The following ACKR2 variants were observed in gnomAD, a reference collection of about 807,000 sequenced individuals.
ACKR2 encodes C-C chemokine receptor D6.
For missense variants in ACKR2, 457 were observed against 477.3 expected, an observed-to-expected ratio of 0.96 and a Z score of 0.40; for synonymous variants, 207 against 192.2, an observed-to-expected ratio of 1.08 and a Z score of -0.64.
Position 42,865,822 on chromosome 3 carries a change from C to G in ACKR2, c.*165C>G. ...TTGCTCGCCCCGCCTTCTTCCTCCA[C>G]TTTCTTCACTTGCTTCCAGGATACC... On this transcript the variant is annotated 3_prime_UTR_variant, in exon 3 of 3. Transcript: ENST00000422265. 1 of 583,750 alleles carries G rather than the reference C, an allele frequency of 1.7e-6. No individual in the cohort carries two copies. Among genetic ancestry groups the G allele is most frequent in the Non-Finnish European group, 3.1e-6 (1 of 327,076 alleles). The allele number at this position is 583,750 out of a possible 1,614,324, so 36.2% of individuals were successfully genotyped here.
intron 2 of ACKR2, among the ~76,000 whole-genome samples, chr3:42,836,217 T>C (rs967032085): frequency 6.6e-6 from 1 of 152,150 alleles, no homozygotes; most frequent in Non-Finnish European, 1.5e-5. Flanking sequence ...TGTGATGAGA[T>C]AAAAGCAAAA....
At chr3:42,856,578 C>A in intron 2 of ACKR2, 1 of 546,342 alleles carries the variant, frequency 1.8e-6, no homozygotes, top group Admixed American at 3.4e-5. Context: ...ATAAAATGAG[C>A]ATCCCACCCA....
At chr3:42,855,568 A>G (rs550153319) in intron 2 of ACKR2, among the ~76,000 whole-genome samples, 16 of 152,142 alleles carry the variant, frequency 1.1e-4, no homozygotes, top group Non-Finnish European at 1.9e-4. Context: ...TGTTGGCATT[A>G]TTGATGAAAG....
intron 2 of ACKR2, among the ~76,000 whole-genome samples, chr3:42,829,673 C>T (rs1239915494): frequency 1.3e-5 from 2 of 152,298 alleles, no homozygotes; most frequent in South Asian, 2.1e-4. Flanking sequence ...GGGGCTTGCC[C>T]TTCTTCCTAT....
At chr3:42,857,648 C>T (rs1184497359) in intron 2 of ACKR2, among the ~76,000 whole-genome samples, 1 of 152,164 alleles carries the variant, frequency 6.6e-6, no homozygotes, top group East Asian at 1.9e-4. Context: ...CACCTTTCTG[C>T]TGCGAACAGA....
At chr3:42,828,184 A>T (rs1700893001) in intron 2 of ACKR2, among the ~76,000 whole-genome samples, 1 of 148,848 alleles carries the variant, frequency 6.7e-6, no homozygotes, top group African/African-American at 2.5e-5. Flanking sequence ...ATCTCTGCTC[A>T]CTGCAATCTC....
intron 2 of ACKR2, among the ~76,000 whole-genome samples, chr3:42,842,899 C>T (rs1054091308): frequency 4.0e-5 from 6 of 149,498 alleles, no homozygotes; most frequent in African/African-American, 1.5e-4. Context: ...ATGAGAATTG[C>T]TCAAACCTGG....
intron 1 of ACKR2, among the ~76,000 whole-genome samples, chr3:42,817,281 G>C (rs1559683236): frequency 6.6e-6 from 1 of 152,034 alleles, no homozygotes; most frequent in African/African-American, 2.4e-5. Flanking sequence ...TTCTTTTTTA[G>C]ACCGTGAAGT....
At chr3:42,832,640 T>C (rs892471192) in intron 2 of ACKR2, among the ~76,000 whole-genome samples, 5 of 152,118 alleles carry the variant, frequency 3.3e-5, no homozygotes, top group African/African-American at 4.8e-5. Context: ...AATGAAATAC[T>C]CTAGACCAGT....
chr3:42,867,016 G>A lies in ACKR2; in HGVS notation c.*1359G>A, dbSNP rs2125628067. On this transcript the variant is annotated 3_prime_UTR_variant, in exon 3 of 3. Coordinates refer to ENST00000422265, the MANE Select transcript of ACKR2 (RefSeq NM_001296.5). ...AGCCCCCAAGTAGCTAGGACTACAG[G>A]AGCACACCACCACACCTGGCTAATT... The A allele has an allele frequency of 6.2e-6, 1 of 160,966 alleles. No homozygotes were observed. The highest frequency in any genetic ancestry group is 2.1e-4 in the South Asian group (1 of 4,806). 10.0% of individuals were successfully genotyped at this position (160,966 alleles called of 1,614,324 possible).
At chr3:42,848,341 C>T (rs1028048833) in intron 2 of ACKR2, among the ~76,000 whole-genome samples, 5 of 151,218 alleles carry the variant, frequency 3.3e-5, no homozygotes, top group Admixed American at 6.6e-5. Flanking sequence ...ACTCAGCCTC[C>T]CAAGTAGCTA....
chr3:42,824,828 T>C (rs1056995804), intron 2 of ACKR2, among the ~76,000 whole-genome samples: 1 of 152,192 alleles, frequency 6.6e-6, no homozygotes, highest in African/African-American at 2.4e-5. Context: ...CCTAGGGACA[T>C]ATGATTTCAA....
intron 2 of ACKR2, among the ~76,000 whole-genome samples, chr3:42,820,432 A>T (rs138747774): frequency 0.012 from 1,796 of 151,974 alleles, 28 homozygotes; most frequent in African/African-American, 0.041. Context: ...TCTCTACTAA[A>T]AATACAAAAA....
At chr3:42,850,331 C>T (rs1701140533) in intron 2 of ACKR2, among the ~76,000 whole-genome samples, 1 of 152,168 alleles carries the variant, frequency 6.6e-6, no homozygotes, top group Non-Finnish European at 1.5e-5. Context: ...ATTCCGTTCT[C>T]TGACGCCTGT....
At chr3:42,861,739 C>T (rs935946970) in intron 2 of ACKR2, among the ~76,000 whole-genome samples, 2 of 152,144 alleles carry the variant, frequency 1.3e-5, no homozygotes, top group Non-Finnish European at 2.9e-5. Context: ...TAATCCAGCA[C>T]ATAAACAGAA....
chr3:42,825,770 G>A (rs975059255), intron 2 of ACKR2, among the ~76,000 whole-genome samples: 1 of 151,754 alleles, frequency 6.6e-6, no homozygotes, highest in African/African-American at 2.4e-5. Flanking sequence ...GTGAAAGTGG[G>A]CATCTTTGTT....
At chr3:42,835,849 C>G (rs1700983481) in intron 2 of ACKR2, 1 of 152,292 alleles carries the variant, frequency 6.6e-6, no homozygotes. Context: ...TCAACCTCCA[C>G]TGAAATGGGT....
At chr3:42,826,301 C>T (rs542273695) in intron 2 of ACKR2, among the ~76,000 whole-genome samples, 2 of 152,012 alleles carry the variant, frequency 1.3e-5, no homozygotes, top group Non-Finnish European at 2.9e-5. Context: ...TCTTCCCCTT[C>T]TGTTTTTTGA....
intron 2 of ACKR2, among the ~76,000 whole-genome samples, chr3:42,850,554 G>T (rs1701143812): frequency 1.3e-5 from 2 of 152,170 alleles, no homozygotes; most frequent in South Asian, 4.1e-4. Flanking sequence ...AGCACTTGCT[G>T]TGTGTCAAGG....
Sources: gnomAD v4.1 joint callset for allele counts (sites outside exome capture counted in the v4.1 genomes callset) on GRCh38, gnomAD v4.1.1 for gene constraint, MANE v1.5 for transcripts, NCBI Gene and HGNC (gene_info 2026-07-23, HGNC 2026-07-21) for gene names.